Variants in AFAP1 observed in about 807,000 individuals in gnomAD.
AFAP1 encodes actin filament-associated protein 1.
In AFAP1, 75 loss-of-function variants were observed where a neutral mutation model predicts 93.9. That is an observed-to-expected ratio of 0.80 (90% CI 0.66 to 0.97). The LOEUF (loss-of-function observed/expected upper bound fraction) is 0.97. Among genes scored for constraint, AFAP1 ranks in the 50% least tolerant of loss-of-function variants. The pLI is 0.00. For missense variants in AFAP1, 1,201 were observed against 1,050.8 expected (o/e 1.14, Z -1.98); for synonymous variants, 517 against 430.7 (o/e 1.20, Z -2.48).
intron 8 of AFAP1, among the ~76,000 whole-genome samples, chr4:7,811,532 C>T (rs1720039364): frequency 6.6e-6 from 1 of 152,142 alleles, no homozygotes; most frequent in African/African-American, 2.4e-5. Context: ...GGTGCCCCCA[C>T]CACAGCCAAA....
At chr4:7,799,366 G>C (rs1718801882) in intron 10 of AFAP1, among the ~76,000 whole-genome samples, 2 of 151,584 alleles carry the variant, frequency 1.3e-5, no homozygotes, top group Non-Finnish European at 2.9e-5. Context: ...AACAGTCCCT[G>C]CAATGAACTC....
chr4:7,891,743 T>TAAA (rs778916445), intron 1 of AFAP1, among the ~76,000 whole-genome samples: 58 of 62,790 alleles, frequency 9.2e-4, no homozygotes, highest in Admixed American at 1.4e-3. Context: ...ATGGTCTCAT[T>TAAA]AAAAAAAAAA....
chr4:7,880,012 G>A (rs1717752428), intron 1 of AFAP1, among the ~76,000 whole-genome samples: 1 of 152,064 alleles, frequency 6.6e-6, no homozygotes, highest in South Asian at 2.1e-4. Flanking sequence ...CCCTAAAGAA[G>A]CAAGGGAAAT....
chr4:7,819,556 G>C (rs1196135645), intron 6 of AFAP1, among the ~76,000 whole-genome samples: 1 of 152,138 alleles, frequency 6.6e-6, no homozygotes, highest in African/African-American at 2.4e-5. Flanking sequence ...AGAGACCAGG[G>C]GGCCTTATGC....
intron 4 of AFAP1, among the ~76,000 whole-genome samples, chr4:7,855,113 G>A (rs1266890495): frequency 6.6e-6 from 1 of 152,232 alleles, no homozygotes; most frequent in Non-Finnish European, 1.5e-5. Flanking sequence ...CAGAATGGGT[G>A]CAGCCCAAGA....
At chr4:7,774,973 C>T (rs1715951336) in intron 14 of AFAP1, 70 bp from the exon 15 acceptor site, 3 of 1,550,880 alleles carry the variant, frequency 1.9e-6, no homozygotes, top group South Asian at 2.4e-5. Flanking sequence ...ACGATCCCTT[C>T]TCCACAAAAA....
chr4:7,933,374 A>T (rs1331547068), intron 1 of AFAP1, among the ~76,000 whole-genome samples: 3 of 152,160 alleles, frequency 2.0e-5, no homozygotes, highest in African/African-American at 7.2e-5. Flanking sequence ...AGAGATCGAG[A>T]CCATCCTGGC....
intron 10 of AFAP1, among the ~76,000 whole-genome samples, chr4:7,794,320 C>G (rs149562655): frequency 6.2e-4 from 94 of 152,268 alleles, no homozygotes; most frequent in African/African-American, 2.2e-3. Context: ...CATTTAGTTT[C>G]TTGATTAGAT....
chr4:7,858,912 C>G (rs1360028920), intron 3 of AFAP1, among the ~76,000 whole-genome samples: 1 of 152,168 alleles, frequency 6.6e-6, no homozygotes, highest in Admixed American at 6.5e-5. Context: ...AGAGCTGACC[C>G]CATGTCCTCC....
intron 16 of AFAP1, among the ~76,000 whole-genome samples, chr4:7,770,144 G>A (rs775081210): frequency 4.6e-5 from 7 of 152,214 alleles, no homozygotes; most frequent in Admixed American, 1.3e-4. Flanking sequence ...AGGGGAAGTC[G>A]CAAAGCACAG....
chr4:7,822,653 C>T (rs1464510596), intron 6 of AFAP1, among the ~76,000 whole-genome samples: 1 of 148,330 alleles, frequency 6.7e-6, no homozygotes, highest in East Asian at 2.0e-4. Context: ...GGCACGATCT[C>T]GGCTCACTGC....
chr4:7,880,603 G>T (rs574028407), intron 1 of AFAP1, among the ~76,000 whole-genome samples: 2 of 152,258 alleles, frequency 1.3e-5, no homozygotes, highest in African/African-American at 2.4e-5. Flanking sequence ...CACAAGTGTG[G>T]TAACTGAGGC....
chr4:7,914,686 G>C (rs1719973083), intron 1 of AFAP1, among the ~76,000 whole-genome samples: 1 of 152,122 alleles, frequency 6.6e-6, no homozygotes, highest in Admixed American at 6.6e-5. Flanking sequence ...TCACACTGTG[G>C]TTTTATTTGT....
intron 1 of AFAP1, among the ~76,000 whole-genome samples, chr4:7,932,284 A>C (rs1412193955): frequency 6.6e-6 from 1 of 152,248 alleles, no homozygotes; most frequent in Non-Finnish European, 1.5e-5. Flanking sequence ...GCTTGGTTTT[A>C]AACTACTTGG....
At chr4:7,801,868 G>C (rs1268028471) in intron 9 of AFAP1, among the ~76,000 whole-genome samples, 2 of 130,474 alleles carry the variant, frequency 1.5e-5, no homozygotes, top group Admixed American at 1.7e-4. Flanking sequence ...GTCACCTGAG[G>C]TTAGGAGTTC....
At chr4:7,921,629 C>T (rs1421368277) in intron 1 of AFAP1, among the ~76,000 whole-genome samples, 1 of 152,242 alleles carries the variant, frequency 6.6e-6, no homozygotes, top group Non-Finnish European at 1.5e-5. Flanking sequence ...CAATACCCAT[C>T]AACATTTAAA....
rs565568354 is a variant in AFAP1, at chr4:7,868,818, G to A, written c.128-99C>T. 4.7e-5 allele frequency: 48 copies of A among 1,024,116 alleles called. 2 individuals carry two copies. The South Asian group carries it at 6.4e-4, about 14-fold the overall frequency. 63.4% of individuals were successfully genotyped at this position (1,024,116 alleles called of 1,614,324 possible). On this transcript the variant is annotated intron_variant, in intron 2 of 17. Transcript: ENST00000420658. ...TCCTGAACCCTGTGTTGAACACTTTGCAAATATTTATTTTCTCTAATCCTT... is the reference window on the plus strand; with the variant it reads ...TCCTGAACCCTGTGTTGAACACTTTACAAATATTTATTTTCTCTAATCCTT...
chr4:7,873,592 C>G (rs1470499915), intron 1 of AFAP1, among the ~76,000 whole-genome samples: 1 of 152,028 alleles, frequency 6.6e-6, no homozygotes, highest in African/African-American at 2.4e-5. Flanking sequence ...TCGTGATCCA[C>G]CCATCTGGGC....
At chr4:7,872,501 C>T (rs1717136380) in intron 1 of AFAP1, among the ~76,000 whole-genome samples, 1 of 152,236 alleles carries the variant, frequency 6.6e-6, no homozygotes, top group Non-Finnish European at 1.5e-5. Flanking sequence ...TCTGCTTTTG[C>T]AAAGCTGGCT....
Sources: allele counts gnomAD v4.1 joint callset (sites outside exome capture counted in the v4.1 genomes callset), GRCh38; gene constraint gnomAD v4.1.1; transcripts MANE v1.5; gene names NCBI Gene and HGNC (gene_info 2026-07-23, HGNC 2026-07-21).